The following TDRD5 variants were observed in gnomAD, a reference collection of about 807,000 sequenced individuals.
The protein encoded by TDRD5 is tudor domain containing 5.
A neutral mutation model predicts 120.6 loss-of-function variants in TDRD5; 41 were observed. That is an observed-to-expected ratio of 0.34 (90% CI 0.26 to 0.44). The LOEUF (loss-of-function observed/expected upper bound fraction) is 0.44. TDRD5 is among the 20% of genes least tolerant of loss of function. The probability of loss-of-function intolerance (pLI) is 1.00; values close to 1 mark genes in which losing one functional copy is unlikely to be tolerated. For synonymous variants in TDRD5, 430 were observed against 433.7 expected, an observed-to-expected ratio of 0.99 and a Z score of 0.11; for missense variants, 1,006 against 1,221.2, an observed-to-expected ratio of 0.82 and a Z score of 2.63.
chr1:179,689,064 T>C (rs1394289765), intron 17 of TDRD5, among the ~76,000 whole-genome samples: 3 of 152,240 alleles, frequency 2.0e-5, no homozygotes, highest in South Asian at 2.1e-4. Context: ...GTCAAAGTCA[T>C]TCTCCATCCA....
chr1:179,622,092 T>C (rs111294984), intron 6 of TDRD5, among the ~76,000 whole-genome samples: 23 of 152,314 alleles, frequency 1.5e-4, no homozygotes, highest in African/African-American at 5.1e-4. Context: ...TTATAGAGTT[T>C]TGTGAAGTTT....
chr1:179,606,733 C>A (rs948284468), intron 4 of TDRD5, among the ~76,000 whole-genome samples: 1 of 151,878 alleles, frequency 6.6e-6, no homozygotes, highest in Non-Finnish European at 1.5e-5. Context: ...TGCTTTTGCT[C>A]CTTTATCAAA....
intron 15 of TDRD5, among the ~76,000 whole-genome samples, chr1:179,662,639 GAAATTT>G (rs1346096210): frequency 2.6e-5 from 4 of 151,932 alleles, no homozygotes; most frequent in Non-Finnish European, 5.9e-5. Flanking sequence ...CTGAGAAAAG[GAAATTT>G]AAATTTAATT....
rs767236752 is a variant in TDRD5 at position 179,630,898 on chromosome 1, G to A, written c.1104G>A (p.Ala368=). 15 of 1,612,690 alleles carry A rather than the reference G, an allele frequency of 9.3e-6. No homozygotes were observed. Among genetic ancestry groups the A allele is most frequent in the Admixed American group, 8.3e-5 (5 of 59,892 alleles). ...KGHQDLLVFD[A]DKKPLPPVQS... is the part of the protein sequence containing the mutation. ...ACCAAGACTTACTAGTGTTTGATGC[G>A]GATAAGAAGCCTCTACCACCTGGTG... The change falls in exon 7 of 18, where the codon GCG becomes GCA. Residue 368 remains alanine, a synonymous_variant. Coordinates refer to ENST00000444136, the MANE Select transcript of TDRD5 (RefSeq NM_001199085.3).
chr1:179,660,154 T>G (rs976868045), intron 14 of TDRD5, among the ~76,000 whole-genome samples: 2 of 151,878 alleles, frequency 1.3e-5, no homozygotes, highest in African/African-American at 4.8e-5. Context: ...GCCTCCTCTT[T>G]CTTGCCTTCT....
At chr1:179,645,745 A>G (rs1320673838) in intron 11 of TDRD5, among the ~76,000 whole-genome samples, 1 of 152,052 alleles carries the variant, frequency 6.6e-6, no homozygotes, top group Non-Finnish European at 1.5e-5. Context: ...TTTGTATACA[A>G]TTGAGGCTAT....
chr1:179,647,404 A>G (rs1056441609), intron 11 of TDRD5, among the ~76,000 whole-genome samples: 14 of 151,948 alleles, frequency 9.2e-5, no homozygotes, highest in Non-Finnish European at 1.8e-4. Flanking sequence ...CCATATGTAG[A>G]AAGCTGAAAC....
intron 6 of TDRD5, 102 bp from the exon 7 acceptor site, chr1:179,630,665 A>G: frequency 4.8e-6 from 6 of 1,239,854 alleles, no homozygotes; most frequent in Non-Finnish European, 6.7e-6. Flanking sequence ...ACTTGAGTTC[A>G]TTGACCCTTT....
At chr1:179,620,917 CTA>C (rs918123006) in intron 5 of TDRD5, 116 bp from the exon 6 acceptor site, 15 of 767,740 alleles carry the variant, frequency 2.0e-5, no homozygotes, top group African/African-American at 5.6e-5. Flanking sequence ...TTTAATATGA[CTA>C]AAATTCATTT....
At chr1:179,644,936 T>C (rs1412099926) in intron 11 of TDRD5, among the ~76,000 whole-genome samples, 2 of 152,046 alleles carry the variant, frequency 1.3e-5, no homozygotes, top group African/African-American at 4.8e-5. Flanking sequence ...AGGTTATTTC[T>C]AACCTTTAGG....
chr1:179,687,986 T>G (rs550930074), intron 17 of TDRD5, among the ~76,000 whole-genome samples: 1 of 152,118 alleles, frequency 6.6e-6, no homozygotes, highest in African/African-American at 2.4e-5. Context: ...GATGAGTCTT[T>G]ATTCTTTATC....
At chr1:179,661,633 G>T (rs190448482) in intron 14 of TDRD5, among the ~76,000 whole-genome samples, 171 of 152,272 alleles carry the variant, frequency 1.1e-3, no homozygotes, top group African/African-American at 3.7e-3. Flanking sequence ...GTAGTTGCCT[G>T]AGTTCTTGGA....
intron 11 of TDRD5, among the ~76,000 whole-genome samples, chr1:179,645,148 G>C (rs55677295): frequency 2.1e-5 from 3 of 143,948 alleles, no homozygotes; most frequent in African/African-American, 5.1e-5. Flanking sequence ...TGCAGTGGCG[G>C]GATCTCGGCT....
chr1:179,674,336 G>T (rs1025140063), intron 17 of TDRD5, among the ~76,000 whole-genome samples: 1 of 152,078 alleles, frequency 6.6e-6, no homozygotes, highest in Non-Finnish European at 1.5e-5. Flanking sequence ...TATTTATGTG[G>T]TGTATCACAT....
intron 17 of TDRD5, among the ~76,000 whole-genome samples, chr1:179,687,946 ATG>A (rs1680836266): frequency 3.0e-5 from 2 of 67,498 alleles, no homozygotes; most frequent in Admixed American, 3.7e-4. Flanking sequence ...GTCTCTGCAC[ATG>A]AGATGGGTCT....
Position 179,690,960 on chromosome 1 carries a change from G to A in TDRD5, c.*17G>A, listed in dbSNP as rs1304828093. On this transcript the variant is annotated 3_prime_UTR_variant, in exon 18 of 18. Transcript: ENST00000444136. ...GAAGCATGAGGGAGGGAGGGAGGAG[G>A]GAGAAAAACAGAATCCAGCCGCTTA... 3 of 1,597,376 alleles carry A rather than the reference G, an allele frequency of 1.9e-6. No homozygotes were observed. The highest frequency in any genetic ancestry group is 2.7e-5 in the African/African-American group (2 of 74,304).
intron 4 of TDRD5, among the ~76,000 whole-genome samples, chr1:179,615,234 A>G (rs1289624538): frequency 6.6e-6 from 1 of 152,172 alleles, no homozygotes; most frequent in Admixed American, 6.5e-5. Flanking sequence ...TTACCTCTGT[A>G]TATCCAGCAC....
At chr1:179,639,065 A>G (rs971292045) in intron 9 of TDRD5, among the ~76,000 whole-genome samples, 55 of 152,342 alleles carry the variant, frequency 3.6e-4, no homozygotes, top group African/African-American at 1.3e-3. Flanking sequence ...GGTCTTCTAG[A>G]GATAGATTGA....
chr1:179,652,249 C>A, intron 13 of TDRD5, 52 bp downstream of exon 13: 4 of 1,496,814 alleles, frequency 2.7e-6, no homozygotes, highest in Non-Finnish European at 3.6e-6. Flanking sequence ...CTGTAATCCT[C>A]ATTTTTTTAG....
Sources: allele counts gnomAD v4.1 joint callset (sites outside exome capture counted in the v4.1 genomes callset), GRCh38; gene constraint gnomAD v4.1.1; transcripts MANE v1.5; gene names NCBI Gene and HGNC (gene_info 2026-07-23, HGNC 2026-07-21).